The following NSUN3 variants were observed in gnomAD, a reference collection of about 807,000 sequenced individuals.
The protein encoded by NSUN3 is NOP2/Sun RNA methyltransferase 3.
Under a neutral mutation model 36.8 loss-of-function variants are expected in NSUN3, and 24 were observed. The ratio of observed to expected loss-of-function variants is 0.65; its 90% CI spans 0.47 to 0.92. The LOEUF (loss-of-function observed/expected upper bound fraction) is 0.92, where lower values mean the gene tolerates loss of function less well. NSUN3 is among the 40% of genes least tolerant of loss of function. The pLI is 0.00. For synonymous variants in NSUN3, 146 were observed against 145.2 expected (o/e 1.01, Z -0.04); for missense variants, 381 against 392.8 (o/e 0.97, Z 0.25).
intron 5 of NSUN3, among the ~76,000 whole-genome samples, chr3:94,097,132 A>T (rs1363031314): frequency 6.6e-6 from 1 of 152,044 alleles, no homozygotes; most frequent in Non-Finnish European, 1.5e-5. Flanking sequence ...AATTTTTAAA[A>T]TTTTTAGAAT....
intron 5 of NSUN3, among the ~76,000 whole-genome samples, chr3:94,107,590 T>C (rs2077395457): frequency 6.6e-6 from 1 of 151,460 alleles, no homozygotes; most frequent in Non-Finnish European, 1.5e-5. Flanking sequence ...CCCGGCTAAT[T>C]TTTTTTTTAC....
intron 5 of NSUN3, among the ~76,000 whole-genome samples, chr3:94,122,714 G>C (rs2077468977): frequency 6.6e-6 from 1 of 151,416 alleles, no homozygotes. Context: ...AATGTCTTTT[G>C]CCTTTTATTT....
rs762349465 is a variant in NSUN3, at chr3:94,094,338, A to T, written c.621+44A>T. 7.1e-5 allele frequency: 111 copies of T among 1,553,778 alleles called. 1 individual carries two copies. In the South Asian group the frequency reaches 1.2e-3, roughly 16 times the overall value. On this transcript the variant is annotated intron_variant, in intron 4 of 5. Transcript: ENST00000314622. ...GACAAACTGATGGACGCCCAGTAAT[A>T]CCACTATTATGTTGCTTTGTGGTTG...
intron 2 of NSUN3, among the ~76,000 whole-genome samples, chr3:94,081,435 C>T (rs1377365448): frequency 6.6e-6 from 1 of 152,190 alleles, no homozygotes; most frequent in Non-Finnish European, 1.5e-5. Context: ...AATGGCTTCT[C>T]ATCACTTAGA....
intron 2 of NSUN3, among the ~76,000 whole-genome samples, chr3:94,066,015 C>T (rs2077203039): frequency 6.6e-6 from 1 of 151,358 alleles, no homozygotes; most frequent in South Asian, 2.1e-4. Flanking sequence ...ACTCCCACAG[C>T]TCATCCTTGT....
intron 5 of NSUN3, among the ~76,000 whole-genome samples, chr3:94,125,866 C>G (rs1278708800): frequency 2.0e-5 from 3 of 152,162 alleles, no homozygotes; most frequent in Non-Finnish European, 2.9e-5. Context: ...TCAAGACCAG[C>G]CTGACCAACT....
At chr3:94,112,175 C>T (rs2077420570) in intron 5 of NSUN3, among the ~76,000 whole-genome samples, 2 of 152,196 alleles carry the variant, frequency 1.3e-5, no homozygotes, top group South Asian at 4.1e-4. Context: ...CTGCTTTACT[C>T]AGTCTAACAA....
chr3:94,070,546 T>C (rs552222149), intron 2 of NSUN3, among the ~76,000 whole-genome samples: 161 of 152,270 alleles, frequency 1.1e-3, no homozygotes, highest in African/African-American at 3.8e-3. Context: ...CAAGGGGGTA[T>C]GTAGGCTCAG....
intron 5 of NSUN3, 149 bp from the exon 6 acceptor site, chr3:94,126,059 CAAA>C (rs879420714): frequency 1.3e-3 from 643 of 502,444 alleles, no homozygotes; most frequent in South Asian, 3.2e-3. Context: ...GACTCTGTCT[CAAA>C]AAAAAAAAAA....
intron 2 of NSUN3, chr3:94,076,033 G>A: frequency 1.9e-6 from 3 of 1,608,622 alleles, no homozygotes; most frequent in Non-Finnish European, 2.6e-6. Context: ...AAGGTTCATT[G>A]GGATTCCAGG....
intron 2 of NSUN3, among the ~76,000 whole-genome samples, chr3:94,068,791 C>CAT (rs1560028505): frequency 2.6e-5 from 4 of 150,978 alleles, no homozygotes. Flanking sequence ...AAAATACACA[C>CAT]ACACACACAC....
At chr3:94,112,300 T>C (rs2077420922) in intron 5 of NSUN3, among the ~76,000 whole-genome samples, 1 of 152,260 alleles carries the variant, frequency 6.6e-6, no homozygotes, top group East Asian at 1.9e-4. Flanking sequence ...CTAGCCATCA[T>C]ACTGGCTTTC....
chr3:94,105,162 C>T (rs968822248), intron 5 of NSUN3, among the ~76,000 whole-genome samples: 2 of 152,124 alleles, frequency 1.3e-5, no homozygotes, highest in African/African-American at 4.8e-5. Flanking sequence ...GGAAAAGGTG[C>T]GTCTTTGTCA....
At chr3:94,082,585 C>T (rs895805398) in intron 2 of NSUN3, among the ~76,000 whole-genome samples, 5 of 152,190 alleles carry the variant, frequency 3.3e-5, no homozygotes, top group African/African-American at 1.2e-4. Context: ...TTTCAATCCA[C>T]CCATTCCTCA....
At chr3:94,070,951 A>T (rs1002511669) in intron 2 of NSUN3, among the ~76,000 whole-genome samples, 1 of 152,238 alleles carries the variant, frequency 6.6e-6, no homozygotes. Flanking sequence ...ATATAACTCC[A>T]AAAGAATTCA....
chr3:94,098,488 T>G (rs2077352411), intron 5 of NSUN3, among the ~76,000 whole-genome samples: 1 of 152,124 alleles, frequency 6.6e-6, no homozygotes, highest in African/African-American at 2.4e-5. Flanking sequence ...TTTTGTTTGT[T>G]TGTTTGTTTT....
chr3:94,091,433 G>T (rs1357548217), intron 3 of NSUN3, among the ~76,000 whole-genome samples: 1 of 152,100 alleles, frequency 6.6e-6, no homozygotes, highest in Non-Finnish European at 1.5e-5. Flanking sequence ...GAAGATAGGA[G>T]TTAGAAAAAA....
At chr3:94,109,277 T>A (rs1036303985) in intron 5 of NSUN3, among the ~76,000 whole-genome samples, 1 of 152,204 alleles carries the variant, frequency 6.6e-6, no homozygotes, top group Non-Finnish European at 1.5e-5. Context: ...TTTCTGAGCA[T>A]CTAGAAAGAA....
Position 94,095,110 on chromosome 3 carries a change from A to AGGACTCTCAGAAGGCATCCTGTAGGATGG in NSUN3, c.699_700insGGACTCTCAGAAGGCATCCTGTAGGATGG (p.Ser234GlyfsTer8). ...ACTCTCAGAAGGCATCCTGTAGGAT[A>AGGACTCTCAGAAGGCATCCTGTAGGATGG]AGTCAAAGGAGGAATTTGCCTCTTC... On this transcript the variant is annotated stop_gained and frameshift_variant, in exon 5 of 6. Coordinates refer to ENST00000314622, the MANE Select transcript of NSUN3 (RefSeq NM_022072.5). LOFTEE classifies it high-confidence loss of function. 4 of 1,613,888 alleles carry AGGACTCTCAGAAGGCATCCTGTAGGATGG rather than the reference A, an allele frequency of 2.5e-6. No individual in the cohort carries two copies. The highest frequency in any genetic ancestry group is 3.4e-6 in the Non-Finnish European group (4 of 1,179,830).
Sources: gnomAD v4.1 joint callset for allele counts (sites outside exome capture counted in the v4.1 genomes callset) on GRCh38, gnomAD v4.1.1 for gene constraint, MANE v1.5 for transcripts, NCBI Gene and HGNC (gene_info 2026-07-23, HGNC 2026-07-21) for gene names.